FAM83A: variants seen among roughly 807,000 people sequenced by gnomAD.
FAM83A encodes the protein protein FAM83A.
FAM83A carries 21 observed loss-of-function variants against 24.4 expected under a neutral mutation model. That is an observed-to-expected ratio of 0.86 (90% CI 0.61 to 1.24). The LOEUF is 1.24. Ranked by LOEUF, FAM83A falls within the 50% of genes most tolerant of loss-of-function variation. FAM83A has a pLI of 0.00. For synonymous variants in FAM83A, 270 were observed against 252.4 expected (o/e 1.07, Z -0.66); for missense variants, 617 against 579.8 (o/e 1.06, Z -0.66).
At chr8:123,201,771 AG>A (rs932495114) in intron 3 of FAM83A, 1 of 152,302 alleles carries the variant, frequency 6.6e-6, no homozygotes, top group African/African-American at 2.4e-5. Context: ...GGGCTGGTTG[AG>A]GGTCTGACCC....
intron 3 of FAM83A, among the ~76,000 whole-genome samples, chr8:123,206,804 T>C (rs1713730): frequency 0.33 from 49,881 of 152,072 alleles, 9,484 homozygotes; most frequent in East Asian, 0.65. Context: ...GGAGGGGCAG[T>C]GGGCATGGGT....
intron 1 of FAM83A, among the ~76,000 whole-genome samples, chr8:123,188,511 T>C (rs1455149680): frequency 6.6e-6 from 1 of 151,140 alleles, no homozygotes; most frequent in East Asian, 1.9e-4. Flanking sequence ...TGAAACAGGG[T>C]CTTGCTCTGT....
chr8:123,207,557 G>T (rs1025657092), exon 4 of FAM83A: 4 of 1,539,032 alleles, frequency 2.6e-6, no homozygotes, highest in Non-Finnish European at 3.5e-6. Flanking sequence ...GCCCCACGAC[G>T]GCCCGCCCGC....
chr8:123,206,021 T>C (rs1024730612), intron 3 of FAM83A, among the ~76,000 whole-genome samples: 3 of 151,902 alleles, frequency 2.0e-5, no homozygotes, highest in South Asian at 2.1e-4. Context: ...CGGGCGCCTG[T>C]AATCCCAGCT....
At chr8:123,182,500 C>T (rs11988157), upstream of FAM83A, 40,698 of 478,296 alleles carry the variant, frequency 0.085, 2,246 homozygotes, top group African/African-American at 0.17. Flanking sequence ...GGGAGAGTTG[C>T]GAAACCCAGC....
Position 123,191,849 on chromosome 8 carries a change from G to A in FAM83A, c.527G>A (p.Cys176Tyr), listed in dbSNP as rs1232633507. The A allele has an allele frequency of 1.9e-6, 3 of 1,614,080 alleles. No homozygotes were observed. In the East Asian group the frequency reaches 6.7e-5, roughly 36 times the overall value. Reference sequence around the variant, plus strand: ...GTGTTCACGGATGTGGAGATCTTCTGTGACATTCTAGAGGCAGCCAACAAG... The same window carrying A: ...GTGTTCACGGATGTGGAGATCTTCTATGACATTCTAGAGGCAGCCAACAAG... The change falls in exon 2 of 4, where the codon TGT (cysteine) becomes TAT (tyrosine). Residue 176 changes from cysteine to tyrosine, a missense_variant. Cys to Tyr is a radical substitution (Grantham distance 194, BLOSUM62 -2). Coordinates refer to ENST00000690554, the Ensembl canonical transcript of FAM83A.
upstream of FAM83A, chr8:123,182,498 T>G: frequency 4.2e-6 from 2 of 476,304 alleles, no homozygotes; most frequent in Non-Finnish European, 8.3e-6. Context: ...GAGGGAGAGT[T>G]GCGAAACCCA....
chr8:123,209,212 G>A lies in FAM83A; in HGVS notation c.*1524G>A. ...TTGGCGGGGAAGCTCAGCCTTCGCT[G>A]TGGAGGGACGAGAGCACAGAGCTCT... On this transcript the variant is annotated 3_prime_UTR_variant, in exon 4 of 4. Coordinates refer to ENST00000690554, the Ensembl canonical transcript of FAM83A. The surrounding 1 kb of genome is among the most constrained non-coding windows in gnomAD (Gnocchi z 4.7). 1.7e-6 allele frequency: 2 copies of A among 1,190,594 alleles called. No individual in the cohort carries two copies. Among genetic ancestry groups the A allele is most frequent in the South Asian group, 3.2e-5 (1 of 30,776 alleles). 73.8% of individuals were successfully genotyped at this position (1,190,594 alleles called of 1,614,324 possible). A position where few individuals can be genotyped will look rare whatever the true frequency, so the allele number is the denominator to read the frequency against.
rs568449313 is a variant in FAM83A, at chr8:123,197,990, C to G, written c.773+3842C>G. On this transcript the variant is annotated intron_variant, in intron 3 of 3. Coordinates refer to ENST00000690554, the Ensembl canonical transcript of FAM83A. ...ATTAAAAATACAAAAATTAGCTGGG[C>G]ATGGTGACAAGCACCTGTAATCCCA... Among the ~76,000 whole-genome samples the G allele has an allele frequency of 3.3e-5, 5 of 152,266 alleles. No individual in the cohort carries two copies. The South Asian group carries it at 1.0e-3, about 32-fold the overall frequency.
rs182192145 is a variant in FAM83A, at chr8:123,198,314, C to G, written c.773+4166C>G. On this transcript the variant is annotated intron_variant, in intron 3 of 3. Transcript: ENST00000690554. ...CAGGACCCACTAGCTGCATTGCACA[C>G]GACCATGGGGCAGTTATCTCTGTGG... 2.0e-5 allele frequency among the ~76,000 whole-genome samples: 3 copies of G among 152,146 alleles called. No individual in the cohort carries two copies. The East Asian group carries it at 5.8e-4, about 29-fold the overall frequency.
chr8:123,199,638 G>A (rs1182390892), intron 3 of FAM83A, among the ~76,000 whole-genome samples: 1 of 152,032 alleles, frequency 6.6e-6, no homozygotes, highest in African/African-American at 2.4e-5. Flanking sequence ...GGAGGCTGAG[G>A]CAGGAGAATA....
chr8:123,187,064 G>A (rs925118530), intron 1 of FAM83A, among the ~76,000 whole-genome samples: 1 of 152,178 alleles, frequency 6.6e-6, no homozygotes, highest in Non-Finnish European at 1.5e-5. Context: ...TCGGAGTAGA[G>A]TCTCAAAGGC....
chr8:123,206,539 C>T (rs1321160482), intron 3 of FAM83A, among the ~76,000 whole-genome samples: 2 of 152,186 alleles, frequency 1.3e-5, no homozygotes, highest in African/African-American at 4.8e-5. Flanking sequence ...GAGAAGGCCC[C>T]GGCTGCTGGG....
At chr8:123,181,911 G>A (rs1823607434), upstream of FAM83A, 1 of 383,852 alleles carries the variant, frequency 2.6e-6, no homozygotes, top group Non-Finnish European at 5.4e-6. Flanking sequence ...AAGAGAGTCA[G>A]GGTTCTAGGC....
chr8:123,207,719 C>G (rs1188790665), exon 4 of FAM83A: 1 of 1,438,788 alleles, frequency 7.0e-7, no homozygotes, highest in Non-Finnish European at 9.1e-7. Context: ...CTCCGCAGGC[C>G]CAGGGCTGGG....
chr8:123,179,407 G>T (rs1012606068), upstream of FAM83A: 1 of 152,134 alleles, frequency 6.6e-6, no homozygotes, highest in African/African-American at 2.4e-5. Context: ...CCAGATACTG[G>T]CACCATGCTT....
At chr8:123,208,951 A>C in exon 4 of FAM83A, 1 of 986,022 alleles carries the variant, frequency 1.0e-6, no homozygotes, top group Non-Finnish European at 1.2e-6. Context: ...GCAACAAAGC[A>C]AGACTCCGTC....
chr8:123,191,241 CT>C (rs907356771), intron 1 of FAM83A, among the ~76,000 whole-genome samples: 7 of 152,208 alleles, frequency 4.6e-5, no homozygotes. Flanking sequence ...CCAGTTTCTA[CT>C]GTGACACATG....
chr8:123,207,427 T>C (rs566683179), exon 4 of FAM83A: 1 of 1,609,112 alleles, frequency 6.2e-7, no homozygotes, highest in East Asian at 2.2e-5. Flanking sequence ...GTACCCGAAG[T>C]GTGTCCGCGT....
Sources: allele counts gnomAD v4.1 joint callset (sites outside exome capture counted in the v4.1 genomes callset), GRCh38; gene constraint gnomAD v4.1.1; non-coding constraint Gnocchi (gnomAD v3.1); transcripts MANE v1.5; gene names NCBI Gene and HGNC (gene_info 2026-07-23, HGNC 2026-07-21).